The following ABHD12B variants were observed in gnomAD, a reference collection of about 807,000 sequenced individuals.
ABHD12B encodes the protein abhydrolase domain containing 12B.
In ABHD12B, 42 loss-of-function variants were observed where a neutral mutation model predicts 50.4. The observed-to-expected ratio is 0.83, with a 90% confidence interval of 0.65 to 1.08. ABHD12B has a LOEUF of 1.08. Among genes scored for constraint, ABHD12B ranks in the 50% least tolerant of loss-of-function variants. The probability of loss-of-function intolerance (pLI) is 0.00; values close to 1 mark genes in which losing one functional copy is unlikely to be tolerated. For missense variants in ABHD12B, 479 were observed against 447.7 expected (o/e 1.07, Z -0.63); for synonymous variants, 167 against 160.3 (o/e 1.04, Z -0.32).
At chr14:50,882,973 CA>C (rs10648046) in intron 5 of ABHD12B, among the ~76,000 whole-genome samples, 2,520 of 112,848 alleles carry the variant, frequency 0.022, 100 homozygotes, top group African/African-American at 0.08. Context: ...GACCCTGACT[CA>C]AAAAAAAAAA....
At chr14:50,880,606 A>G in intron 4 of ABHD12B, 35 bp downstream of exon 4, 1 of 1,514,278 alleles carries the variant, frequency 6.6e-7, no homozygotes, top group Non-Finnish European at 8.9e-7. Context: ...TTTTTTCAGG[A>G]GATTGAGAGC....
chr14:50,880,967 A>G (rs987768983), intron 4 of ABHD12B, among the ~76,000 whole-genome samples: 3 of 152,182 alleles, frequency 2.0e-5, no homozygotes, highest in Non-Finnish European at 4.4e-5. Flanking sequence ...TACAGTGGAG[A>G]GTCCTTTATT....
chr14:50,888,207 T>C (rs868777701), intron 8 of ABHD12B, among the ~76,000 whole-genome samples: 5 of 57,702 alleles, frequency 8.7e-5, no homozygotes, highest in Non-Finnish European at 2.7e-4. Flanking sequence ...TTGCTTTCTT[T>C]CTTTTTTTTT....
intron 9 of ABHD12B, among the ~76,000 whole-genome samples, chr14:50,898,192 A>G (rs139471253): frequency 5.3e-5 from 8 of 152,212 alleles, no homozygotes; most frequent in East Asian, 3.9e-4. Flanking sequence ...CCTCACAGCA[A>G]CTCTCTGAGT....
chr14:50,894,874 C>T (rs867012543), intron 9 of ABHD12B, among the ~76,000 whole-genome samples: 18 of 148,386 alleles, frequency 1.2e-4, no homozygotes, highest in Admixed American at 2.0e-4. Flanking sequence ...CCGAGCTAGG[C>T]CTCAATTCTT....
At position 50,904,343 on chromosome 14, in the gene ABHD12B, T is replaced by G. The variant is rs1177139530; in HGVS notation, c.1066T>G (p.Phe356Val). Residue 356 changes from phenylalanine to valine, a missense_variant, in exon 13 of 13, where the codon TTC becomes GTC. Coordinates refer to ENST00000337334, the MANE Select transcript of ABHD12B (RefSeq NM_001206673.2). ...SPTLLITVRD[F>V]LSKQWS ...ATCTGGGTCCTTTTTCTACAGAGATTTCCTGAGCAAGCAGTGGTCATGAGT... is the reference window on the plus strand; with the variant it reads ...ATCTGGGTCCTTTTTCTACAGAGATGTCCTGAGCAAGCAGTGGTCATGAGT... 1 of 1,613,654 alleles carries G rather than the reference T, an allele frequency of 6.2e-7. No homozygotes were observed. The highest frequency in any genetic ancestry group is 2.2e-5 in the East Asian group (1 of 44,862).
At chr14:50,882,610 G>A (rs1022325723) in intron 5 of ABHD12B, among the ~76,000 whole-genome samples, 1 of 151,562 alleles carries the variant, frequency 6.6e-6, no homozygotes, top group African/African-American at 2.4e-5. Context: ...TCGATCTCCT[G>A]ACCTCGTGAT....
intron 11 of ABHD12B, 108 bp downstream of exon 11, chr14:50,903,575 G>A (rs979953316): frequency 2.3e-6 from 2 of 852,474 alleles, no homozygotes; most frequent in Non-Finnish European, 3.7e-6. Flanking sequence ...TGACATTATA[G>A]GAGATTCTCT....
Position 50,881,611 on chromosome 14 carries a change from A to G in ABHD12B, c.471A>G (p.Arg157=). 1 of 1,610,636 alleles carries G rather than the reference A, an allele frequency of 6.2e-7. No individual in the cohort carries two copies. The highest frequency in any genetic ancestry group is 8.5e-7 in the Non-Finnish European group (1 of 1,179,350). ...TCCTTCACAGGGCAGCTTCGCACAG[A>G]CTGAAGCTGGTAAAGGTATGTCTGA... ...GSAEHRAASH[R]LKLVKVLSDG... Residue 157 remains arginine (R), a synonymous_variant, in exon 5 of 13, where the codon AGA becomes AGG. Transcript: ENST00000337334.
chr14:50,884,263 G>A (rs1429764873), intron 5 of ABHD12B, among the ~76,000 whole-genome samples: 5 of 151,200 alleles, frequency 3.3e-5, no homozygotes, highest in Non-Finnish European at 7.3e-5. Flanking sequence ...TTCTTGGGTT[G>A]TATTGCCTAG....
intron 5 of ABHD12B, among the ~76,000 whole-genome samples, chr14:50,882,382 T>TTTTTTTTTTTTTTTTTTTTTTTTTTTG (rs1321823420): frequency 7.5e-6 from 1 of 132,594 alleles, no homozygotes; most frequent in African/African-American, 3.0e-5. Flanking sequence ...GCTTTTTTTT[T>TTTTTTTTTTTTTTTTTTTTTTTTTTTG]TTTTTTTTTT....
intron 9 of ABHD12B, chr14:50,892,097 T>C (rs1566491169): frequency 6.6e-6 from 1 of 152,224 alleles, no homozygotes; most frequent in Non-Finnish European, 1.5e-5. Context: ...TTGGATCTAT[T>C]TGGGGGACTT....
intron 1 of ABHD12B, among the ~76,000 whole-genome samples, chr14:50,873,933 A>C (rs561836378): frequency 5.5e-4 from 84 of 152,340 alleles, no homozygotes; most frequent in Non-Finnish European, 6.9e-4. Flanking sequence ...ACACTTCCTG[A>C]AAGAACAAAA....
At chr14:50,900,909 C>T (rs1297380725) in intron 9 of ABHD12B, among the ~76,000 whole-genome samples, 6 of 152,134 alleles carry the variant, frequency 3.9e-5, no homozygotes, top group Admixed American at 6.6e-5. Context: ...AAGAGTGCTA[C>T]GATCTGATTT....
At chr14:50,893,860 T>C (rs1160552445) in intron 9 of ABHD12B, 1 of 152,512 alleles carries the variant, frequency 6.6e-6, no homozygotes, top group African/African-American at 2.4e-5. Flanking sequence ...TCCCTTCTCT[T>C]AATTTCAATT....
In ABHD12B at chr14:50,881,596, G is replaced by A; in HGVS notation, c.456G>A (p.Arg152=). ...TTTTTTTTTTAAACTTCCTTCACAGGGCAGCTTCGCACAGACTGAAGCTGG... is the reference window on the plus strand; with the variant it reads ...TTTTTTTTTTAAACTTCCTTCACAGAGCAGCTTCGCACAGACTGAAGCTGG... ...IVYLHGSAEH[R]AASHRLKLVK... is the part of the protein sequence containing the mutation. Residue 152 remains arginine, a splice_region_variant and synonymous_variant, in exon 5 of 13, where the codon AGG becomes AGA. Coordinates refer to ENST00000337334, the MANE Select transcript of ABHD12B (RefSeq NM_001206673.2). The A allele has an allele frequency of 6.3e-7, 1 of 1,588,512 alleles. No individual in the cohort carries two copies. The highest frequency in any genetic ancestry group is 1.1e-5 in the South Asian group (1 of 89,136).
intron 1 of ABHD12B, 74 bp downstream of exon 1, chr14:50,872,352 G>T: frequency 9.0e-7 from 1 of 1,113,716 alleles, no homozygotes; most frequent in South Asian, 3.9e-5. Context: ...AGGGGGCCAG[G>T]GCGCGGCCGA....
chr14:50,880,503 C>T lies in ABHD12B; in HGVS notation c.387C>T (p.Cys129=), dbSNP rs2049925117. The T allele has an allele frequency of 2.8e-5, 45 of 1,611,696 alleles. No homozygotes were observed. Among genetic ancestry groups the T allele is most frequent in the Non-Finnish European group, 3.7e-5 (44 of 1,178,850 alleles). Residue 129 remains cysteine (C), a synonymous_variant, in exon 4 of 13, where the codon TGC becomes TGT. Coordinates refer to ENST00000337334, the MANE Select transcript of ABHD12B (RefSeq NM_001206673.2). ...AAGATGCCAAGGGGAAGGACTGTTGCTGGTATGAAGCAGCCCTTCGTGATG... is the reference window on the plus strand; with the variant it reads ...AAGATGCCAAGGGGAAGGACTGTTGTTGGTATGAAGCAGCCCTTCGTGATG... ...RGEDAKGKDC[C]WYEAALRDGN...
At chr14:50,883,568 G>A (rs1015172572) in intron 5 of ABHD12B, among the ~76,000 whole-genome samples, 1 of 152,262 alleles carries the variant, frequency 6.6e-6, no homozygotes, top group Non-Finnish European at 1.5e-5. Context: ...GCTAATGTCC[G>A]TGAGAATGTG....
Sources: allele counts gnomAD v4.1 joint callset (sites outside exome capture counted in the v4.1 genomes callset), GRCh38; gene constraint gnomAD v4.1.1; transcripts MANE v1.5; gene names NCBI Gene and HGNC (gene_info 2026-07-23, HGNC 2026-07-21).